The following SCN9A variants were observed in gnomAD, a reference collection of about 807,000 sequenced individuals.
SCN9A encodes sodium channel protein type 9 subunit alpha.
A neutral mutation model predicts 187.0 loss-of-function variants in SCN9A; 131 were observed. The ratio of observed to expected loss-of-function variants is 0.70; its 90% confidence interval spans 0.61 to 0.81. SCN9A has a LOEUF of 0.81. Ranked by LOEUF, SCN9A falls within the 30% of genes least tolerant of loss-of-function variation. SCN9A has a pLI of 0.00. For synonymous variants in SCN9A, 809 were observed against 808.6 expected (o/e 1.00, Z -0.01); for missense variants, 2,252 against 2,396.6 (o/e 0.94, Z 1.26).
chr2:166,268,054 C>A (rs574936432), intron 17 of SCN9A, among the ~76,000 whole-genome samples: 2 of 152,068 alleles, frequency 1.3e-5, no homozygotes, highest in South Asian at 2.1e-4. Context: ...AATCTGTAAC[C>A]AATAGCTACT....
chr2:166,223,578 G>A (rs1313336007), intron 24 of SCN9A, among the ~76,000 whole-genome samples: 3 of 152,184 alleles, frequency 2.0e-5, no homozygotes, highest in African/African-American at 4.8e-5. Context: ...TGAAAGGATG[G>A]GAGAATGGAG....
chr2:166,233,483 T>C, intron 20 of SCN9A, 21 bp from the exon 21 acceptor site: 5 of 1,544,042 alleles, frequency 3.2e-6, no homozygotes, highest in Non-Finnish European at 4.3e-6. Flanking sequence ...AACATTTTCA[T>C]TAATTGTGTC....
At chr2:166,370,550 T>TAA (rs1461679713) in intron 1 of SCN9A, among the ~76,000 whole-genome samples, 3 of 113,690 alleles carry the variant, frequency 2.6e-5, no homozygotes, top group African/African-American at 5.6e-5. Context: ...CTCAAAAAAA[T>TAA]AAAAAATAAA....
chr2:166,341,094 T>C (rs932487980), intron 1 of SCN9A, among the ~76,000 whole-genome samples: 3 of 152,136 alleles, frequency 2.0e-5, no homozygotes, highest in Non-Finnish European at 4.4e-5. Flanking sequence ...TGACCTTACC[T>C]TTTTAGAAGA....
intron 1 of SCN9A, among the ~76,000 whole-genome samples, chr2:166,344,893 G>C (rs1196984047): frequency 1.3e-5 from 2 of 152,198 alleles, no homozygotes; most frequent in African/African-American, 4.8e-5. Flanking sequence ...ATGTGAAGCA[G>C]CAGTGTAAGA....
chr2:166,340,596 TTC>T (rs1475709773), intron 1 of SCN9A, among the ~76,000 whole-genome samples: 1 of 80,938 alleles, frequency 1.2e-5, no homozygotes, highest in Non-Finnish European at 2.2e-5. Flanking sequence ...CTTTCTTTCT[TTC>T]TTTCTTTTTC....
At chr2:166,372,514 T>C (rs1182592878) in intron 1 of SCN9A, among the ~76,000 whole-genome samples, 2 of 152,164 alleles carry the variant, frequency 1.3e-5, no homozygotes, top group Non-Finnish European at 2.9e-5. Context: ...ATAACCATAT[T>C]AGTTTATGCA....
At chr2:166,355,551 T>C (rs1392731334) in intron 1 of SCN9A, among the ~76,000 whole-genome samples, 1 of 151,998 alleles carries the variant, frequency 6.6e-6, no homozygotes, top group Non-Finnish European at 1.5e-5. Flanking sequence ...AGGATATTGA[T>C]ACCTTTTCAC....
Position 166,198,456 on chromosome 2 carries a change from C to A in SCN9A, c.*216G>T. Reference sequence around the variant, plus strand: ...TTTTGTATGCTATAATCAATAATTCCTACAGAGTTCTCTTACGATTCTTAA... The same window carrying A: ...TTTTGTATGCTATAATCAATAATTCATACAGAGTTCTCTTACGATTCTTAA... On this transcript the variant is annotated 3_prime_UTR_variant, in exon 27 of 27. Transcript: ENST00000642356. The A allele has an allele frequency of 3.9e-6, 2 of 514,500 alleles. No individual in the cohort carries two copies. The highest frequency in any genetic ancestry group is 3.2e-5 in the South Asian group (1 of 31,518). The allele number at this position is 514,500 out of a possible 1,614,324, so 31.9% of individuals were successfully genotyped here.
chr2:166,357,515 A>G (rs12472033), intron 1 of SCN9A, among the ~76,000 whole-genome samples: 35,765 of 151,976 alleles, frequency 0.24, 5,299 homozygotes, highest in Non-Finnish European at 0.33. Context: ...TCTCATTTTC[A>G]TGCTAAATGA....
intron 1 of SCN9A, among the ~76,000 whole-genome samples, chr2:166,327,412 C>T (rs1489868100): frequency 6.6e-6 from 1 of 152,166 alleles, no homozygotes; most frequent in Admixed American, 6.5e-5. Context: ...CCTCCTTGGC[C>T]TCCCAAAGTG....
At chr2:166,217,596 T>C (rs1265984158) in intron 24 of SCN9A, among the ~76,000 whole-genome samples, 2 of 151,960 alleles carry the variant, frequency 1.3e-5, no homozygotes, top group Non-Finnish European at 2.9e-5. Flanking sequence ...GAATGGCCAA[T>C]AGATATATTA....
chr2:166,303,309 ATGGG>A lies in SCN9A; in HGVS notation c.689-11_689-8del, dbSNP rs1159489600. 9 of 1,609,024 alleles carry A rather than the reference ATGGG, an allele frequency of 5.6e-6. No individual in the cohort carries two copies. The highest frequency in any genetic ancestry group is 5.1e-5 in the Admixed American group (3 of 59,150). ...CCTACAATTGTCTTCAGGCCTGAAA[ATGGG>A]AGAAAAAAGTGTTTGTAATGACATA... On this transcript the variant is annotated splice_polypyrimidine_tract_variant and splice_region_variant and intron_variant, in intron 6 of 26. Transcript: ENST00000642356.
chr2:166,352,077 C>CA (rs1362668204), intron 1 of SCN9A, among the ~76,000 whole-genome samples: 5 of 151,670 alleles, frequency 3.3e-5, no homozygotes, highest in African/African-American at 9.7e-5. Flanking sequence ...CTTGACATCT[C>CA]AAAAAAAATA....
At chr2:166,305,715 A>T (rs1041026600) in intron 5 of SCN9A, 77 bp downstream of exon 5, 1 of 1,576,100 alleles carries the variant, frequency 6.3e-7, no homozygotes, top group East Asian at 2.2e-5. Flanking sequence ...CAGACCCCAG[A>T]GGTTTGCTGT....
At chr2:166,297,896 T>C (rs919909279) in intron 7 of SCN9A, among the ~76,000 whole-genome samples, 1 of 151,974 alleles carries the variant, frequency 6.6e-6, no homozygotes, top group East Asian at 1.9e-4. Flanking sequence ...ATAACAAAAA[T>C]ACAGAATTGA....
intron 1 of SCN9A, among the ~76,000 whole-genome samples, chr2:166,348,531 T>C (rs1336718345): frequency 6.6e-6 from 1 of 152,174 alleles, no homozygotes; most frequent in Non-Finnish European, 1.5e-5. Flanking sequence ...TCTCCAAGTC[T>C]CTAGGTTTCC....
At chr2:166,215,212 G>A (rs1025256879) in intron 24 of SCN9A, among the ~76,000 whole-genome samples, 1 of 151,912 alleles carries the variant, frequency 6.6e-6, no homozygotes, top group Non-Finnish European at 1.5e-5. Context: ...GGTCAAAGAA[G>A]AAATTATACG....
chr2:166,242,727 G>A (rs1695623491), intron 18 of SCN9A, 71 bp from the exon 19 acceptor site: 1 of 1,175,758 alleles, frequency 8.5e-7, no homozygotes, highest in Non-Finnish European at 1.2e-6. Context: ...ATTATTTAAT[G>A]CAAACTGCTT....
Sources: allele counts gnomAD v4.1 joint callset (sites outside exome capture counted in the v4.1 genomes callset), GRCh38; gene constraint gnomAD v4.1.1; transcripts MANE v1.5; gene names NCBI Gene and HGNC (gene_info 2026-07-23, HGNC 2026-07-21).